The following SH3RF1 variants were observed in gnomAD, a reference collection of about 807,000 sequenced individuals.
SH3RF1 encodes the protein E3 ubiquitin-protein ligase SH3RF1.
A neutral mutation model predicts 74.0 loss-of-function variants in SH3RF1; 32 were observed. The observed-to-expected ratio is 0.43, with a 90% CI of 0.33 to 0.58. SH3RF1 has a LOEUF of 0.58. SH3RF1 is among the 20% of genes least tolerant of loss of function. The pLI is 0.05. For synonymous variants in SH3RF1, 396 were observed against 439.6 expected (o/e 0.90, Z 1.24); for missense variants, 954 against 1,130.9 (o/e 0.84, Z 2.24).
intron 2 of SH3RF1, among the ~76,000 whole-genome samples, chr4:169,193,163 T>C (rs987136477): frequency 8.6e-5 from 13 of 151,778 alleles, no homozygotes; most frequent in African/African-American, 2.7e-4. Flanking sequence ...TGAGGGATAA[T>C]AGACCACAAA....
intron 2 of SH3RF1, 126 bp downstream of exon 2, chr4:169,268,690 AATCT>A (rs1579172796): frequency 1.1e-6 from 1 of 934,646 alleles, no homozygotes; most frequent in Admixed American, 2.7e-5. Flanking sequence ...TCAGAGGTAT[AATCT>A]ATCTGTTCCA....
At chr4:169,147,599 G>A (rs10866333) in intron 4 of SH3RF1, among the ~76,000 whole-genome samples, 59,712 of 152,036 alleles carry the variant, frequency 0.39, 12,196 homozygotes, top group African/African-American at 0.52. Flanking sequence ...CTCAACATAT[G>A]GAGGAATTTT....
At chr4:169,117,395 G>A (rs1733354309) in intron 9 of SH3RF1, 128 bp downstream of exon 9, 1 of 1,385,046 alleles carries the variant, frequency 7.2e-7, no homozygotes, top group East Asian at 2.4e-5. Flanking sequence ...GTGCCACTGA[G>A]TAGACTTTGC....
At chr4:169,215,753 A>G (rs1263791083) in intron 2 of SH3RF1, among the ~76,000 whole-genome samples, 1 of 152,166 alleles carries the variant, frequency 6.6e-6, no homozygotes, top group Non-Finnish European at 1.5e-5. Context: ...TTTGTTTTCT[A>G]ATAGTCAAGT....
At chr4:169,210,806 A>T (rs1362426235) in intron 2 of SH3RF1, among the ~76,000 whole-genome samples, 7 of 152,298 alleles carry the variant, frequency 4.6e-5, no homozygotes, top group African/African-American at 1.7e-4. Flanking sequence ...TTGTTTCTGT[A>T]CCTCAGTTCC....
intron 2 of SH3RF1, among the ~76,000 whole-genome samples, chr4:169,234,224 C>T (rs1409420875): frequency 2.0e-5 from 3 of 151,994 alleles, no homozygotes; most frequent in Admixed American, 6.6e-5. Flanking sequence ...GATAATTAAT[C>T]GGGAGTCCAG....
intron 11 of SH3RF1, among the ~76,000 whole-genome samples, chr4:169,099,705 T>A (rs1207123617): frequency 5.9e-5 from 9 of 152,190 alleles, no homozygotes; most frequent in Non-Finnish European, 1.0e-4. Context: ...TAGATTAATA[T>A]ATGCATTTTA....
At chr4:169,253,177 G>A (rs576616753) in intron 2 of SH3RF1, among the ~76,000 whole-genome samples, 1 of 152,276 alleles carries the variant, frequency 6.6e-6, no homozygotes, top group East Asian at 1.9e-4. Context: ...TTCATTCATA[G>A]CATACCTAGA....
At chr4:169,162,232 T>C (rs987255672) in intron 2 of SH3RF1, among the ~76,000 whole-genome samples, 2 of 152,224 alleles carry the variant, frequency 1.3e-5, no homozygotes, top group African/African-American at 4.8e-5. Context: ...CAAAGTAAAA[T>C]ATCTGTCAAG....
intron 2 of SH3RF1, among the ~76,000 whole-genome samples, chr4:169,194,641 G>T (rs1009523289): frequency 6.6e-6 from 1 of 152,074 alleles, no homozygotes; most frequent in South Asian, 2.1e-4. Context: ...CTCTTTCCAG[G>T]TGTTAGTTAT....
At chr4:169,230,733 C>T (rs1276250022) in intron 2 of SH3RF1, among the ~76,000 whole-genome samples, 4 of 151,876 alleles carry the variant, frequency 2.6e-5, no homozygotes, top group Admixed American at 6.6e-5. Context: ...GTGGCACACA[C>T]CTGTAGTCCC....
chr4:169,099,118 G>A (rs1732976043), intron 11 of SH3RF1, among the ~76,000 whole-genome samples: 1 of 152,160 alleles, frequency 6.6e-6, no homozygotes, highest in African/African-American at 2.4e-5. Flanking sequence ...ATTTTGAGAC[G>A]GTCTTACTTT....
At chr4:169,261,368 GC>G (rs1349071949) in intron 2 of SH3RF1, among the ~76,000 whole-genome samples, 1 of 152,152 alleles carries the variant, frequency 6.6e-6, no homozygotes, top group Admixed American at 6.5e-5. Flanking sequence ...AATAACCTCT[GC>G]CAGCTGCAAC....
rs966737824 is a variant in SH3RF1, at chr4:169,197,741, T to A, written c.394-41062A>T. On this transcript the variant is annotated intron_variant, in intron 2 of 11. Transcript: ENST00000284637. ...TTCATAAGTATAAACTTACTGACAC[T>A]TTTTTTTATAAAATCACAAATTCAA... Among the ~76,000 whole-genome samples the A allele has an allele frequency of 3.3e-5, 5 of 151,912 alleles. No individual in the cohort carries two copies. In the South Asian group the frequency reaches 1.0e-3, roughly 31 times the overall value.
At chr4:169,173,906 A>G (rs997978281) in intron 2 of SH3RF1, among the ~76,000 whole-genome samples, 3 of 152,142 alleles carry the variant, frequency 2.0e-5, no homozygotes, top group African/African-American at 7.2e-5. Context: ...GTCTTTTAGA[A>G]AAATAAGATC....
chr4:169,096,596 C>T lies in SH3RF1; in HGVS notation c.2590G>A (p.Asp864Asn). ...TGTAATGTGCCTTTGAACCAGCCATCCTCTCGTTTTTTATGAACAAACACA... is the reference window on the plus strand; with the variant it reads ...TGTAATGTGCCTTTGAACCAGCCATTCTCTCGTTTTTTATGAACAAACACA... Reference protein sequence around the residue: ...DIVFVHKKREDGWFKGTLQRN... With the variant: ...DIVFVHKKRENGWFKGTLQRN... The change falls in exon 12 of 12, where the codon GAT (aspartate) becomes AAT (asparagine). Residue 864 changes from aspartate (D) to asparagine (N), a missense_variant. Around this residue, in one of 3 missense-constraint regions of SH3RF1, gnomAD observed 36 missense variants for 66.5 expected, o/e 0.54. Coordinates refer to ENST00000284637, the MANE Select transcript of SH3RF1 (RefSeq NM_020870.4). 1.2e-6 allele frequency: 2 copies of T among 1,614,146 alleles called. No homozygotes were observed. The highest frequency in any genetic ancestry group is 8.5e-7 in the Non-Finnish European group (1 of 1,180,010).
intron 2 of SH3RF1, among the ~76,000 whole-genome samples, chr4:169,214,214 A>T (rs1227160657): frequency 1.3e-5 from 2 of 152,094 alleles, no homozygotes; most frequent in East Asian, 1.9e-4. Flanking sequence ...CTGGCTGTTT[A>T]AAAGTGTGTG....
At chr4:169,178,387 C>G (rs560913526) in intron 2 of SH3RF1, among the ~76,000 whole-genome samples, 2 of 75,392 alleles carry the variant, frequency 2.7e-5, no homozygotes, top group East Asian at 5.5e-4. Context: ...TTTTGAGGCA[C>G]AGAATCACAG....
intron 2 of SH3RF1, among the ~76,000 whole-genome samples, chr4:169,232,001 G>T (rs995430624): frequency 6.6e-6 from 1 of 152,164 alleles, no homozygotes; most frequent in Non-Finnish European, 1.5e-5. Context: ...AAGACCTTAC[G>T]GCCTCCACTG....
Sources: allele counts gnomAD v4.1 joint callset (sites outside exome capture counted in the v4.1 genomes callset), GRCh38; gene constraint gnomAD v4.1.1; regional missense constraint gnomAD v4.1.1; transcripts MANE v1.5; gene names NCBI Gene and HGNC (gene_info 2026-07-23, HGNC 2026-07-21).